The following VAC14 variants were observed in gnomAD, a reference collection of about 807,000 sequenced individuals.
The protein encoded by VAC14 is VAC14 component of PIKFYVE complex, also known as protein VAC14 homolog.
Under a neutral mutation model 85.3 loss-of-function variants are expected in VAC14, and 47 were observed. The ratio of observed to expected loss-of-function variants is 0.55; its 90% CI spans 0.44 to 0.70. The LOEUF (loss-of-function observed/expected upper bound fraction) is 0.70, where lower values mean the gene tolerates loss of function less well. Among genes scored for constraint, VAC14 ranks in the 30% least tolerant of loss-of-function variants. The probability of loss-of-function intolerance (pLI) is 0.00; values close to 1 mark genes in which losing one functional copy is unlikely to be tolerated. For synonymous variants in VAC14, 447 were observed against 430.5 expected, an observed-to-expected ratio of 1.04 and a Z score of -0.47; for missense variants, 861 against 1,004.3, an observed-to-expected ratio of 0.86 and a Z score of 1.93.
At chr16:70,798,842 G>C (rs528821999) in intron 1 of VAC14, among the ~76,000 whole-genome samples, 1 of 152,306 alleles carries the variant, frequency 6.6e-6, no homozygotes. Flanking sequence ...GAAAATGTAC[G>C]GTCATTCATT....
chr16:70,762,257 A>G lies in VAC14; in HGVS notation c.1371+283T>C, dbSNP rs1318166786. ...TGAGCAGCTGGGAGTACAGGCGTGC[A>G]CCACCACGCCCGGCTAATTTTTGTA... On this transcript the variant is annotated intron_variant, in intron 12 of 18. Transcript: ENST00000261776. The surrounding 1 kb of genome is among the most constrained non-coding windows in gnomAD (Gnocchi z 4.1). 6.6e-6 allele frequency among the ~76,000 whole-genome samples: 1 copy of G among 152,032 alleles called. No homozygotes were observed. Among genetic ancestry groups the G allele is most frequent in the Non-Finnish European group, 1.5e-5 (1 of 68,010 alleles).
intron 14 of VAC14, among the ~76,000 whole-genome samples, chr16:70,722,954 G>A (rs1036826995): frequency 6.6e-6 from 1 of 152,168 alleles, no homozygotes; most frequent in East Asian, 1.9e-4. Context: ...GGTGGCTCAT[G>A]ACTGTAATCT....
chr16:70,782,012 G>A lies in VAC14; in HGVS notation c.812-9C>T, dbSNP rs1042087739. The A allele has an allele frequency of 1.9e-6, 3 of 1,612,840 alleles. No individual in the cohort carries two copies. The highest frequency in any genetic ancestry group is 2.7e-5 in the African/African-American group (2 of 75,044). On this transcript the variant is annotated splice_polypyrimidine_tract_variant and intron_variant, in intron 7 of 18. Transcript: ENST00000261776. Reference sequence around the variant, plus strand: ...CAGCTGGATGAGGTCATCTGGAAGGGGAATCAGGGGGTTCAGAGGGGCCAG... The same window carrying A: ...CAGCTGGATGAGGTCATCTGGAAGGAGAATCAGGGGGTTCAGAGGGGCCAG...
intron 14 of VAC14, among the ~76,000 whole-genome samples, chr16:70,724,797 G>C (rs2054381465): frequency 6.6e-6 from 1 of 152,236 alleles, no homozygotes; most frequent in African/African-American, 2.4e-5. Context: ...TCTGCTGAGA[G>C]GGAAGCAGGA....
chr16:70,767,851 C>T (rs2032932637), intron 10 of VAC14, among the ~76,000 whole-genome samples: 1 of 152,130 alleles, frequency 6.6e-6, no homozygotes, highest in East Asian at 1.9e-4. Context: ...AGGCACCATG[C>T]TATGTTCTTT....
chr16:70,688,932 G>T, intron 18 of VAC14: 1 of 985,520 alleles, frequency 1.0e-6, no homozygotes, highest in Non-Finnish European at 1.2e-6. Flanking sequence ...GATCCATGTG[G>T]GCTAGGAAGT....
chr16:70,698,625 G>A lies in VAC14; in HGVS notation c.1836+12C>T. 1 of 1,613,876 alleles carries A rather than the reference G, an allele frequency of 6.2e-7. No individual in the cohort carries two copies. The highest frequency in any genetic ancestry group is 8.5e-7 in the Non-Finnish European group (1 of 1,179,828). Reference sequence around the variant, plus strand: ...GGAGACGCCTGAGGATGGAGTCCCGGACGCAGCCTACCAGGGTCTTCAGGT... The same window carrying A: ...GGAGACGCCTGAGGATGGAGTCCCGAACGCAGCCTACCAGGGTCTTCAGGT... On this transcript the variant is annotated intron_variant, in intron 15 of 18. Transcript: ENST00000261776.
chr16:70,731,671 T>C, intron 13 of VAC14, 44 bp from the exon 14 acceptor site: 4 of 1,597,424 alleles, frequency 2.5e-6, no homozygotes, highest in Non-Finnish European at 3.4e-6. Flanking sequence ...TGATTATGTG[T>C]CCACAGGGTG....
chr16:70,715,518 A>G (rs1486977619), intron 14 of VAC14: 1 of 152,386 alleles, frequency 6.6e-6, no homozygotes, highest in East Asian at 1.9e-4. Flanking sequence ...GCACAGCAGC[A>G]GCGCCCTGCC....
intron 9 of VAC14, among the ~76,000 whole-genome samples, chr16:70,778,242 C>T (rs570257732): frequency 1.2e-4 from 19 of 152,272 alleles, no homozygotes; most frequent in South Asian, 4.1e-4. Flanking sequence ...CCGGGCCTCC[C>T]GCGTGGCAGG....
chr16:70,742,815 G>A (rs2030475684), intron 13 of VAC14, among the ~76,000 whole-genome samples: 1 of 152,380 alleles, frequency 6.6e-6, no homozygotes, highest in Admixed American at 6.5e-5. Flanking sequence ...AGGCTGTAAG[G>A]CCCCTAAACC....
chr16:70,717,236 G>A (rs1055170441), intron 14 of VAC14, among the ~76,000 whole-genome samples: 1 of 152,258 alleles, frequency 6.6e-6, no homozygotes, highest in African/African-American at 2.4e-5. Flanking sequence ...CCCAGGACAG[G>A]TGCTGAAGGC....
chr16:70,707,323 C>G (rs1457340186), intron 14 of VAC14, among the ~76,000 whole-genome samples: 2 of 152,226 alleles, frequency 1.3e-5, no homozygotes, highest in Non-Finnish European at 1.5e-5. Flanking sequence ...GTCTGGTACA[C>G]TTAAAAGTTT....
chr16:70,800,993 G>T lies in VAC14; in HGVS notation c.-93C>A. On this transcript the variant is annotated 5_prime_UTR_variant, in exon 1 of 19. Transcript: ENST00000261776. ...AGTCTGCGGCTCCGCTCTGCCCCCG[G>T]CGCCGGCGCATGGACCACGCCGCTC... 1.2e-6 allele frequency: 1 copy of T among 865,992 alleles called. No individual in the cohort carries two copies. The highest frequency in any genetic ancestry group is 1.6e-6 in the Non-Finnish European group (1 of 608,196). The allele number at this position is 865,992 out of a possible 1,614,324, so 53.6% of individuals were successfully genotyped here. A position where few individuals can be genotyped will look rare whatever the true frequency, so the allele number is the denominator to read the frequency against.
chr16:70,774,029 C>A (rs994733521), intron 9 of VAC14, among the ~76,000 whole-genome samples: 1 of 152,052 alleles, frequency 6.6e-6, no homozygotes, highest in Non-Finnish European at 1.5e-5. Context: ...CCCACCTCAG[C>A]CTCCCAAAGT....
intron 5 of VAC14, 31 bp from the exon 6 acceptor site, chr16:70,783,585 T>C (rs1253396021): frequency 1.2e-6 from 2 of 1,605,326 alleles, no homozygotes; most frequent in Admixed American, 3.3e-5. Flanking sequence ...GGAGGGGAAG[T>C]CAGCTCCAGA....
chr16:70,762,715 T>C lies in VAC14; in HGVS notation c.1306-110A>G, dbSNP rs1429416769. 22 of 1,489,156 alleles carry C rather than the reference T, an allele frequency of 1.5e-5. No homozygotes were observed. The Admixed American group carries it at 4.1e-4, about 28-fold the overall frequency. The allele number at this position is 1,489,156 out of a possible 1,614,324, so 92.2% of individuals were successfully genotyped here. A position where few individuals can be genotyped will look rare whatever the true frequency, so the allele number is the denominator to read the frequency against. On this transcript the variant is annotated intron_variant, in intron 11 of 18. Transcript: ENST00000261776. The surrounding 1 kb of genome is among the most constrained non-coding windows in gnomAD (Gnocchi z 4.1). ...GGACCCACTGGTCTGCACGGACCAC[T>C]TCCCTCCCCGACACAATGAGGGCTC...
chr16:70,780,352 C>T (rs1485252604), intron 9 of VAC14, among the ~76,000 whole-genome samples: 3 of 152,168 alleles, frequency 2.0e-5, no homozygotes, highest in Admixed American at 2.0e-4. Flanking sequence ...GGCAGCCAGG[C>T]TTCTTGGTGG....
intron 14 of VAC14, among the ~76,000 whole-genome samples, chr16:70,723,671 C>T (rs557438240): frequency 1.3e-5 from 2 of 152,334 alleles, no homozygotes; most frequent in African/African-American, 4.8e-5. Context: ...AGTTCTCAGC[C>T]CCTGAAAACT....
Sources: gnomAD v4.1 joint callset for allele counts (sites outside exome capture counted in the v4.1 genomes callset) on GRCh38, gnomAD v4.1.1 for gene constraint, Gnocchi (gnomAD v3.1) non-coding constraint, MANE v1.5 for transcripts, NCBI Gene and HGNC (gene_info 2026-07-23, HGNC 2026-07-21) for gene names.